CDC123: variants seen among roughly 807,000 people sequenced by gnomAD.
CDC123 encodes the protein cell division cycle 123, also known as translation initiation factor eIF2 assembly protein.
In CDC123, 37 loss-of-function variants were observed where a neutral mutation model predicts 54.4. That is an observed-to-expected ratio of 0.68 (90% CI 0.52 to 0.89). CDC123 has a LOEUF of 0.89. Ranked by LOEUF, CDC123 falls within the 40% of genes least tolerant of loss-of-function variation. The pLI is 0.00. For synonymous variants in CDC123, 144 were observed against 136.8 expected (o/e 1.05, Z -0.37); for missense variants, 361 against 412.1 (o/e 0.88, Z 1.07).
intron 6 of CDC123, among the ~76,000 whole-genome samples, chr10:12,222,788 C>CT (rs1184069530): frequency 2.0e-5 from 3 of 152,114 alleles, no homozygotes; most frequent in Admixed American, 2.0e-4. Context: ...GAGTCTCACT[C>CT]TGTCACCCAG....
At chr10:12,240,774 T>A (rs932767868) in intron 10 of CDC123, among the ~76,000 whole-genome samples, 3 of 152,026 alleles carry the variant, frequency 2.0e-5, no homozygotes, top group Middle Eastern at 3.4e-3. Context: ...GGGAGCTGAG[T>A]TGGGAGGATC....
chr10:12,206,047 G>A (rs752717566), intron 2 of CDC123, among the ~76,000 whole-genome samples: 3 of 152,018 alleles, frequency 2.0e-5, no homozygotes, highest in African/African-American at 4.8e-5. Flanking sequence ...TGATCCACCC[G>A]CCTTGGCCTC....
chr10:12,230,414 A>T (rs1835884590), intron 6 of CDC123, among the ~76,000 whole-genome samples: 2 of 152,122 alleles, frequency 1.3e-5, no homozygotes, highest in African/African-American at 4.8e-5. Flanking sequence ...GCTGGTGTCA[A>T]ACTCCTGACC....
At chr10:12,246,065 G>A in intron 10 of CDC123, 84 bp from the exon 11 acceptor site, 2 of 1,459,726 alleles carry the variant, frequency 1.4e-6, no homozygotes, top group South Asian at 1.3e-5. Context: ...ATGAGACCCT[G>A]TCTCAGAATA....
intron 8 of CDC123, among the ~76,000 whole-genome samples, 159 bp downstream of exon 8, chr10:12,235,282 G>T (rs1360964840): frequency 1.3e-5 from 2 of 152,148 alleles, no homozygotes; most frequent in Non-Finnish European, 2.9e-5. Context: ...TCTCTGGAAT[G>T]CTGTGTTGAC....
At chr10:12,236,689 A>G (rs1331609289) in intron 8 of CDC123, among the ~76,000 whole-genome samples, 1 of 152,050 alleles carries the variant, frequency 6.6e-6, no homozygotes, top group African/African-American at 2.4e-5. Flanking sequence ...GATCAGTTCA[A>G]GACCAGCCTG....
At chr10:12,206,522 T>C (rs187523890) in intron 2 of CDC123, among the ~76,000 whole-genome samples, 111 of 152,304 alleles carry the variant, frequency 7.3e-4, no homozygotes, top group African/African-American at 2.6e-3. Flanking sequence ...TGATTAAAAC[T>C]TGGGGAAGGC....
chr10:12,219,045 C>G (rs190916569), intron 6 of CDC123, among the ~76,000 whole-genome samples: 3 of 152,286 alleles, frequency 2.0e-5, no homozygotes, highest in Admixed American at 6.5e-5. Flanking sequence ...CATAAGCATG[C>G]CACTTCCGCC....
chr10:12,217,509 T>A (rs1227262861), intron 6 of CDC123, 42 bp downstream of exon 6: 1 of 1,593,668 alleles, frequency 6.3e-7, no homozygotes, highest in Non-Finnish European at 8.6e-7. Context: ...TTTCAGTATT[T>A]GTGCAAATTT....
At chr10:12,231,940 G>T (rs1835907356) in intron 7 of CDC123, among the ~76,000 whole-genome samples, 1 of 151,950 alleles carries the variant, frequency 6.6e-6, no homozygotes, top group Non-Finnish European at 1.5e-5. Context: ...CTGCCTCCTG[G>T]ACTAAAGCAA....
In CDC123 at chr10:12,217,437, C is replaced by G; in HGVS notation, c.410C>G (p.Ser137Cys). ...GACATCTTTCTGCTTTTCAAGAGTT[C>G]CGATTTCATCACTCGTGACTTCACT... ...LSDIFLLFKS[S>C]DFITRDFTQP... Residue 137 changes from serine (S) to cysteine (C), a missense_variant, in exon 6 of 13, where the codon TCC becomes TGC. By Grantham distance (112) the Ser-to-Cys change is moderately radical. Transcript: ENST00000281141. 6.2e-7 allele frequency: 1 copy of G among 1,613,934 alleles called. No homozygotes were observed. The highest frequency in any genetic ancestry group is 8.5e-7 in the Non-Finnish European group (1 of 1,179,924).
chr10:12,212,532 A>G (rs1486454165), intron 4 of CDC123, among the ~76,000 whole-genome samples: 1 of 152,236 alleles, frequency 6.6e-6, no homozygotes, highest in African/African-American at 2.4e-5. Context: ...AAGACTGACT[A>G]TCACTGTGTT....
intron 6 of CDC123, among the ~76,000 whole-genome samples, chr10:12,229,933 T>G (rs1835875019): frequency 6.6e-6 from 1 of 152,158 alleles, no homozygotes; most frequent in Non-Finnish European, 1.5e-5. Flanking sequence ...GGCTCCACTG[T>G]AAGATGCACA....
chr10:12,247,983 G>A (rs1014537037), intron 11 of CDC123: 1 of 151,248 alleles, frequency 6.6e-6, no homozygotes, highest in Non-Finnish European at 1.5e-5. Flanking sequence ...CAGCCTGGGC[G>A]ACAGGGCAAG....
At chr10:12,230,795 C>T (rs373507100) in intron 6 of CDC123, among the ~76,000 whole-genome samples, 153 bp from the exon 7 acceptor site, 10 of 152,280 alleles carry the variant, frequency 6.6e-5, no homozygotes, top group African/African-American at 1.7e-4. Flanking sequence ...GCATTGAATA[C>T]GGCTCAGTAA....
chr10:12,236,987 A>G (rs532880518), intron 8 of CDC123, among the ~76,000 whole-genome samples, 157 bp from the exon 9 acceptor site: 1 of 152,252 alleles, frequency 6.6e-6, no homozygotes, highest in Non-Finnish European at 1.5e-5. Context: ...ACCTGTTCAT[A>G]TGAATCCTTA....
chr10:12,245,024 C>T (rs1346966325), intron 10 of CDC123: 1 of 152,356 alleles, frequency 6.6e-6, no homozygotes, highest in Non-Finnish European at 1.5e-5. Context: ...AAAAAACAAA[C>T]AAAAACCACA....
chr10:12,223,744 T>A (rs1330605940), intron 6 of CDC123, among the ~76,000 whole-genome samples: 1 of 152,226 alleles, frequency 6.6e-6, no homozygotes, highest in Non-Finnish European at 1.5e-5. Flanking sequence ...AATAAAAAAA[T>A]GTGGCACTCC....
At chr10:12,229,930 CTG>C (rs1334468321) in intron 6 of CDC123, among the ~76,000 whole-genome samples, 2 of 152,190 alleles carry the variant, frequency 1.3e-5, no homozygotes, top group African/African-American at 4.8e-5. Context: ...GCTGGCTCCA[CTG>C]TAAGATGCAC....
Sources: gnomAD v4.1 joint callset for allele counts (sites outside exome capture counted in the v4.1 genomes callset) on GRCh38, gnomAD v4.1.1 for gene constraint, MANE v1.5 for transcripts, NCBI Gene and HGNC (gene_info 2026-07-23, HGNC 2026-07-21) for gene names.